The following PROKR2 variants were observed in gnomAD, a reference collection of about 807,000 sequenced individuals.
The protein encoded by PROKR2 is G protein-coupled receptor 73-like 1.
A neutral mutation model predicts 23.4 loss-of-function variants in PROKR2; 26 were observed. The ratio of observed to expected loss-of-function variants is 1.11; its 90% CI spans 0.81 to 1.54. The LOEUF (loss-of-function observed/expected upper bound fraction) is 1.54. PROKR2 is among the 40% of genes most tolerant of loss of function. The pLI, the probability that PROKR2 is intolerant of heterozygous loss-of-function variation, is 0.00. For missense variants in PROKR2, 453 were observed against 511.5 expected, an observed-to-expected ratio of 0.89 and a Z score of 1.10; for synonymous variants, 212 against 201.2, an observed-to-expected ratio of 1.05 and a Z score of -0.45.
At chr20:5,315,235 G>GAATTCCATGCAAAAAAAAAAA (rs1330572086) in intron 1 of PROKR2, among the ~76,000 whole-genome samples, 10 of 150,082 alleles carry the variant, frequency 6.7e-5, no homozygotes, top group Non-Finnish European at 1.3e-4. Context: ...ACCAGCTCCA[G>GAATTCCATGCAAAAAAAAAAA]AAAGAAATCC....
intron 2 of PROKR2, among the ~76,000 whole-genome samples, chr20:5,303,952 T>G (rs1979114556): frequency 6.6e-6 from 1 of 152,066 alleles, no homozygotes; most frequent in South Asian, 2.1e-4. Flanking sequence ...ACACTGATGA[T>G]GAGGAGGAAG....
chr20:5,305,380 A>G (rs1979180313), intron 2 of PROKR2, among the ~76,000 whole-genome samples: 1 of 152,218 alleles, frequency 6.6e-6, no homozygotes, highest in Admixed American at 6.5e-5. Context: ...GACCCTTGCC[A>G]GCGGGGACGA....
Position 5,316,300 on chromosome 20 carries a change from TCCTA to T in PROKR2, c.-9+190_-9+193del. The T allele has an allele frequency of 2.2e-6, 1 of 456,612 alleles. No homozygotes were observed. Among genetic ancestry groups the T allele is most frequent in the Non-Finnish European group, 4.4e-6 (1 of 226,940 alleles). 28.3% of individuals were successfully genotyped at this position (456,612 alleles called of 1,614,324 possible). A position where few individuals can be genotyped will look rare whatever the true frequency, so the allele number is the denominator to read the frequency against. On this transcript the variant is annotated intron_variant, in intron 1 of 2. Coordinates refer to ENST00000678254, the MANE Select transcript of PROKR2 (RefSeq NM_144773.4). This position sits in a 1 kb window ranked among gnomAD's most constrained non-coding sequence, Gnocchi z 5.0. ...ACTCCGCTTACCGTACCCTACCCGG[TCCTA>T]GAGGGCCCAGAGGGGATCTCCTGAA...
rs112016132 is a variant in PROKR2, at chr20:5,316,540, G to GA, written c.-56dup. On this transcript the variant is annotated 5_prime_UTR_variant, in exon 1 of 3. Coordinates refer to ENST00000678254, the MANE Select transcript of PROKR2 (RefSeq NM_144773.4). The surrounding 1 kb of genome is among the most constrained non-coding windows in gnomAD (Gnocchi z 5.0). The stretch of plus-strand genomic sequence containing the variant: ...GTGCGCTCTGCTGCTCCGGAAGCCG[G>GA]ATCGAGAGTCACAGTGTGGTTGGGC... The GA allele has an allele frequency of 1.9e-3, 672 of 359,862 alleles. 4 individuals carry two copies. Among genetic ancestry groups the GA allele is most frequent in the African/African-American group, 0.013 (621 of 47,038 alleles). 22.3% of individuals were successfully genotyped at this position (359,862 alleles called of 1,614,324 possible).
intron 2 of PROKR2, among the ~76,000 whole-genome samples, chr20:5,310,436 C>G (rs920060818): frequency 1.3e-5 from 2 of 152,192 alleles, no homozygotes; most frequent in Non-Finnish European, 2.9e-5. Flanking sequence ...GAACACAAGC[C>G]TATCTAATTC....
chr20:5,304,279 A>T (rs1430044534), intron 2 of PROKR2, among the ~76,000 whole-genome samples: 1 of 152,178 alleles, frequency 6.6e-6, no homozygotes, highest in African/African-American at 2.4e-5. Context: ...CAACAGGGAA[A>T]TATTATAGCT....
chr20:5,308,574 A>G (rs999144151), intron 2 of PROKR2, among the ~76,000 whole-genome samples: 75 of 152,298 alleles, frequency 4.9e-4, no homozygotes, highest in African/African-American at 1.8e-3. Flanking sequence ...ACATGGGTAA[A>G]TCTCTGTTCG....
At position 5,316,019 on chromosome 20, in the gene PROKR2, G is replaced by C. The variant is rs1474397441; in HGVS notation, c.-9+475C>G. 2.2e-6 allele frequency: 1 copy of C among 456,576 alleles called. No individual in the cohort carries two copies. The highest frequency in any genetic ancestry group is 4.4e-6 in the Non-Finnish European group (1 of 226,964). The allele number at this position is 456,576 out of a possible 1,614,324, so 28.3% of individuals were successfully genotyped here. A position where few individuals can be genotyped will look rare whatever the true frequency, so the allele number is the denominator to read the frequency against. ...CGCGGCCGCACTGTCGGCGTCTAGA[G>C]GCGACATCCTGGCAAAGACAGGAAT... On this transcript the variant is annotated intron_variant, in intron 1 of 2. Transcript: ENST00000678254. The surrounding 1 kb of genome is among the most constrained non-coding windows in gnomAD (Gnocchi z 5.0).
rs1225919564 is a variant in PROKR2, at chr20:5,302,634, T to C, written c.561A>G (p.Pro187=). 5 of 1,614,014 alleles carry C rather than the reference T, an allele frequency of 3.1e-6. No homozygotes were observed. Among genetic ancestry groups the C allele is most frequent in the Admixed American group, 1.7e-5 (1 of 59,986 alleles). Residue 187 remains proline (P), a synonymous_variant, in exon 3 of 3, where the codon CCA becomes CCG. Transcript: ENST00000678254. ...CCGTTTCTGTTGCAAAGTAAGCCGATGGGATGGCAATGAGAATGGACACCA... is the reference window on the plus strand; with the variant it reads ...CCGTTTCTGTTGCAAAGTAAGCCGACGGGATGGCAATGAGAATGGACACCA... The part of the protein sequence containing the change: ...VWMVSILIAI[P]SAYFATETVL...
At position 5,314,087 on chromosome 20, in the gene PROKR2, G is replaced by A; in HGVS notation, c.283C>T (p.Leu95=). ...GCCACCAGGAAGTCGGAGATGGCCA[G>A]GTTGGCAATGAGCAGATTGGTGAGG... ...RNLTNLLIAN[L]AISDFLVAII... is the part of the protein sequence containing the mutation. Residue 95 remains leucine (L), a synonymous_variant, in exon 2 of 3, where the codon CTG becomes TTG. Transcript: ENST00000678254. 1 of 1,614,236 alleles carries A rather than the reference G, an allele frequency of 6.2e-7. No homozygotes were observed. The highest frequency in any genetic ancestry group is 8.5e-7 in the Non-Finnish European group (1 of 1,180,040).
rs139115125 is a variant in PROKR2, at chr20:5,305,537, C to T, written c.459-2801G>A. On this transcript the variant is annotated intron_variant, in intron 2 of 2. Coordinates refer to ENST00000678254, the MANE Select transcript of PROKR2 (RefSeq NM_144773.4). ...AGCAGAGCCAGGAGAGCGTCTGGCA[C>T]AGCTCCTGATTGTGCCGTATGTGGA... Among the ~76,000 whole-genome samples, 348 of 152,270 alleles carry T rather than the reference C, an allele frequency of 2.3e-3. 2 individuals carry two copies. The highest frequency in any genetic ancestry group is 2.0e-3 in the Non-Finnish European group (138 of 68,030).
chr20:5,302,172 C>A lies in PROKR2; in HGVS notation c.1023G>T (p.Met341Ile), dbSNP rs776752188. 7 of 1,614,128 alleles carry A rather than the reference C, an allele frequency of 4.3e-6. No individual in the cohort carries two copies. The highest frequency in any genetic ancestry group is 5.9e-6 in the Non-Finnish European group (7 of 1,180,058). The stretch of plus-strand genomic sequence containing the variant: ...GCAGCATCATCTTCTTGAAGTACTT[C>A]ATGGTGTTGTTCTTGACCGTCACGA... The part of the protein sequence containing the change: ...VCFVTVKNNT[M>I]KYFKKMMLLH... Residue 341 changes from methionine (M) to isoleucine (I), a missense_variant, in exon 3 of 3, where the codon ATG (methionine) becomes ATT (isoleucine). By Grantham distance (10) the Met-to-Ile change is conservative (BLOSUM62 1). Transcript: ENST00000678254.
In PROKR2 at chr20:5,316,457, G is replaced by T. The variant is rs767929342; in HGVS notation, c.-9+37C>A. ...GTCCTAGCGACTCCCCCACCGCACC[G>T]ACTGAGTCCCGGGACTGCAGGGATC... On this transcript the variant is annotated intron_variant, in intron 1 of 2. Coordinates refer to ENST00000678254, the MANE Select transcript of PROKR2 (RefSeq NM_144773.4). The surrounding 1 kb of genome is among the most constrained non-coding windows in gnomAD (Gnocchi z 5.0). 2.2e-6 allele frequency: 1 copy of T among 445,574 alleles called. No homozygotes were observed. The highest frequency in any genetic ancestry group is 4.5e-6 in the Non-Finnish European group (1 of 221,286). The allele number at this position is 445,574 out of a possible 1,614,324, so 27.6% of individuals were successfully genotyped here.
In PROKR2 at chr20:5,316,651, C is replaced by T. The variant is rs1979691152; in HGVS notation, c.-166G>A. 6.6e-6 allele frequency among the ~76,000 whole-genome samples: 1 copy of T among 152,356 alleles called. No individual in the cohort carries two copies. The highest frequency in any genetic ancestry group is 1.9e-4 in the East Asian group (1 of 5,182). ...GTGGGGGATGTCCCTCTTTTTTCCT[C>T]GCCCCGGCGGGCTCCTCCGGCGTGT... On this transcript the variant is annotated 5_prime_UTR_variant, in exon 1 of 3. Transcript: ENST00000678254. The surrounding 1 kb of genome is among the most constrained non-coding windows in gnomAD (Gnocchi z 5.0).
intron 1 of PROKR2, among the ~76,000 whole-genome samples, chr20:5,315,076 A>C (rs1472182724): frequency 6.6e-6 from 1 of 152,080 alleles, no homozygotes; most frequent in East Asian, 1.9e-4. Flanking sequence ...TCTTCCTGTA[A>C]ACCAAATTCC....
Position 5,301,963 on chromosome 20 carries a change from C to A in PROKR2, c.*77G>T. 7.5e-7 allele frequency: 1 copy of A among 1,333,006 alleles called. No homozygotes were observed. The allele number at this position is 1,333,006 out of a possible 1,614,324, so 82.6% of individuals were successfully genotyped here. Reference sequence around the variant, plus strand: ...ATGAACACAGATGTCATTTCCCATGCAGCCTATGAACTTGGTTGATGGTGG... The same window carrying A: ...ATGAACACAGATGTCATTTCCCATGAAGCCTATGAACTTGGTTGATGGTGG... On this transcript the variant is annotated 3_prime_UTR_variant, in exon 3 of 3. Coordinates refer to ENST00000678254, the MANE Select transcript of PROKR2 (RefSeq NM_144773.4).
Position 5,316,670 on chromosome 20 carries a change from G to A in PROKR2, c.-185C>T, listed in dbSNP as rs974654464. On this transcript the variant is annotated 5_prime_UTR_variant, in exon 1 of 3. Transcript: ENST00000678254. This position sits in a 1 kb window ranked among gnomAD's most constrained non-coding sequence, Gnocchi z 5.0. The stretch of plus-strand genomic sequence containing the variant: ...TTTCCTCGCCCCGGCGGGCTCCTCC[G>A]GCGTGTCAGGGTCTCTGGGTTCCAG... Among the ~76,000 whole-genome samples, 3 of 152,226 alleles carry A rather than the reference G, an allele frequency of 2.0e-5. No homozygotes were observed. Among genetic ancestry groups the A allele is most frequent in the African/African-American group, 7.2e-5 (3 of 41,476 alleles).
chr20:5,302,364 G>A lies in PROKR2; in HGVS notation c.831C>T (p.Leu277=). 5.0e-6 allele frequency: 8 copies of A among 1,614,236 alleles called. No individual in the cohort carries two copies. Among genetic ancestry groups the A allele is most frequent in the African/African-American group, 1.3e-5 (1 of 75,054 alleles). ...LRCRRKTVLV[L]MCILTAYVLC... ...GCACATAGGCCGTGAGAATGCACAT[G>A]AGCACCAGGACCGTCTTCCTGCGGC... Residue 277 remains leucine, a synonymous_variant, in exon 3 of 3, where the codon CTC becomes CTT. Coordinates refer to ENST00000678254, the MANE Select transcript of PROKR2 (RefSeq NM_144773.4).
At chr20:5,306,734 CATAGAG>C (rs1979234070) in intron 2 of PROKR2, among the ~76,000 whole-genome samples, 14 of 152,128 alleles carry the variant, frequency 9.2e-5, no homozygotes, top group Admixed American at 9.2e-4. Flanking sequence ...GTTACTGTTT[CATAGAG>C]ATAAACAACT....
Sources: gnomAD v4.1 joint callset for allele counts (sites outside exome capture counted in the v4.1 genomes callset) on GRCh38, gnomAD v4.1.1 for gene constraint, Gnocchi (gnomAD v3.1) non-coding constraint, MANE v1.5 for transcripts, NCBI Gene and HGNC (gene_info 2026-07-23, HGNC 2026-07-21) for gene names.